The following IL1RAPL2 variants were observed in gnomAD, a reference collection of about 807,000 sequenced individuals.
The protein encoded by IL1RAPL2 is interleukin 1 receptor accessory protein like 2.
IL1RAPL2 carries 3 observed loss-of-function variants against 44.1 expected under a neutral mutation model. The observed-to-expected ratio is 0.07, with a 90% confidence interval of 0.03 to 0.18. IL1RAPL2 has a LOEUF of 0.18. Ranked by LOEUF, IL1RAPL2 falls within the 10% of genes least tolerant of loss-of-function variation. IL1RAPL2 has a pLI of 1.00. For synonymous variants in IL1RAPL2, 181 were observed against 178.8 expected (o/e 1.01, Z -0.10); for missense variants, 391 against 496.4 (o/e 0.79, Z 2.02).
intron 2 of IL1RAPL2, among the ~76,000 whole-genome samples, chrX:105,089,751 C>A (rs1451087534): frequency 2.7e-5 from 3 of 111,713 alleles, no homozygotes; most frequent in African/African-American, 9.8e-5. Context: ...ATTTAATCCT[C>A]ACTTTTACAG....
At chrX:105,460,390 C>T (rs1262934225) in intron 5 of IL1RAPL2, among the ~76,000 whole-genome samples, 2 of 110,438 alleles carry the variant, frequency 1.8e-5, no homozygotes, top group Non-Finnish European at 3.8e-5. Flanking sequence ...CTACATCTCT[C>T]TCTCCTTTAT....
intron 1 of IL1RAPL2, among the ~76,000 whole-genome samples, chrX:104,650,090 C>T (rs16985099): frequency 0.055 from 6,104 of 111,064 alleles, 446 homozygotes; most frequent in African/African-American, 0.19. Context: ...GAATTCATTA[C>T]GTGGCCTTTT....
chrX:105,674,426 A>ATTAT (rs1443617231), intron 6 of IL1RAPL2, among the ~76,000 whole-genome samples: 2 of 112,167 alleles, frequency 1.8e-5, no homozygotes, highest in East Asian at 5.6e-4. Flanking sequence ...TAAATGAGGG[A>ATTAT]TTATTTCCCC....
At chrX:105,307,748 T>C (rs111536245) in intron 5 of IL1RAPL2, among the ~76,000 whole-genome samples, 7,908 of 92,965 alleles carry the variant, frequency 0.085, 1,105 homozygotes, top group African/African-American at 0.32. Context: ...ACTGTAACTC[T>C]TTTTTATTCA....
At chrX:105,744,379 T>G (rs1429054743) in intron 8 of IL1RAPL2, among the ~76,000 whole-genome samples, 1 of 111,538 alleles carries the variant, frequency 9.0e-6, no homozygotes, top group Non-Finnish European at 1.9e-5. Context: ...TATGGAACTG[T>G]CATAATTTTT....
intron 2 of IL1RAPL2, among the ~76,000 whole-genome samples, chrX:104,733,378 G>C (rs1369195439): frequency 9.0e-6 from 1 of 110,524 alleles, no homozygotes; most frequent in Non-Finnish European, 1.9e-5. Flanking sequence ...GATTGCCTGA[G>C]GTTAGGAGTT....
chrX:105,750,441 TTTATTATTATTA>T (rs199583433), intron 9 of IL1RAPL2, among the ~76,000 whole-genome samples: 22 of 91,567 alleles, frequency 2.4e-4, no homozygotes, highest in Middle Eastern at 5.4e-3. Flanking sequence ...GCCTGGCCAA[TTTATTATTATTA>T]TTATTATTAT....
In IL1RAPL2 at chrX:105,029,235, TTTTA is replaced by T. The variant is rs748675865; in HGVS notation, c.83-166228_83-166225del. ...AGGTCTTTTTATTTTATTTTTTATT[TTTTA>T]TTTATTTATTTTTATTTTATTATTA... On this transcript the variant is annotated intron_variant, in intron 2 of 10. Coordinates refer to ENST00000372582, the MANE Select transcript of IL1RAPL2 (RefSeq NM_017416.2). 3.5e-3 allele frequency among the ~76,000 whole-genome samples: 380 copies of T among 107,552 alleles called. 2 individuals carry two copies. Among genetic ancestry groups the T allele is most frequent in the African/African-American group, 0.01 (301 of 30,012 alleles). 93.4% of individuals were successfully genotyped at this position (107,552 alleles called of 115,157 possible).
chrX:105,569,199 TTTAA>T (rs1028270344), intron 6 of IL1RAPL2, among the ~76,000 whole-genome samples: 67 of 111,916 alleles, frequency 6.0e-4, no homozygotes, highest in Admixed American at 5.6e-3. Flanking sequence ...TTACCTTTTA[TTTAA>T]TTAATGATTT....
chrX:104,669,718 C>A (rs908212109), intron 2 of IL1RAPL2, among the ~76,000 whole-genome samples: 4 of 111,763 alleles, frequency 3.6e-5, no homozygotes, highest in Non-Finnish European at 7.5e-5. Flanking sequence ...AACCCCTGAC[C>A]TATTGAGGTT....
intron 7 of IL1RAPL2, among the ~76,000 whole-genome samples, chrX:105,721,792 C>T (rs916127680): frequency 1.8e-5 from 2 of 111,752 alleles, no homozygotes; most frequent in Non-Finnish European, 3.8e-5. Context: ...TCCACCAAAT[C>T]CCCCAGTAAA....
At chrX:104,827,256 C>T (rs1455410372) in intron 2 of IL1RAPL2, among the ~76,000 whole-genome samples, 8 of 110,533 alleles carry the variant, frequency 7.2e-5, no homozygotes, top group Non-Finnish European at 1.5e-4. Flanking sequence ...TTTGCAGTGG[C>T]TGGTAGTGAT....
intron 2 of IL1RAPL2, among the ~76,000 whole-genome samples, chrX:104,789,525 A>G (rs932149246): frequency 6.2e-5 from 7 of 112,001 alleles, no homozygotes; most frequent in African/African-American, 1.3e-4. Flanking sequence ...AGTGGAATAT[A>G]TTTGAAAATG....
intron 6 of IL1RAPL2, among the ~76,000 whole-genome samples, chrX:105,705,431 T>C (rs1341310409): frequency 9.0e-6 from 1 of 110,894 alleles, no homozygotes; most frequent in East Asian, 2.8e-4. Context: ...TTTAATCAGA[T>C]TTTTGACTAC....
At chrX:105,407,219 C>CT (rs762922142) in intron 5 of IL1RAPL2, among the ~76,000 whole-genome samples, 15 of 109,791 alleles carry the variant, frequency 1.4e-4, no homozygotes, top group Non-Finnish European at 2.3e-4. Flanking sequence ...AAAAAACTGA[C>CT]TTTTTTTCCA....
chrX:104,599,874 G>A (rs910246607), intron 1 of IL1RAPL2, among the ~76,000 whole-genome samples: 3 of 111,020 alleles, frequency 2.7e-5, no homozygotes, highest in African/African-American at 9.8e-5. Flanking sequence ...TTTTTTGTGT[G>A]TGTTTTATTT....
At chrX:105,448,196 T>C (rs1380080205) in intron 5 of IL1RAPL2, among the ~76,000 whole-genome samples, 1 of 108,454 alleles carries the variant, frequency 9.2e-6, no homozygotes, top group Non-Finnish European at 1.9e-5. Context: ...GGAGTTTAAT[T>C]ATTAAATTCC....
intron 6 of IL1RAPL2, among the ~76,000 whole-genome samples, chrX:105,680,810 A>C (rs988093555): frequency 8.9e-6 from 1 of 111,954 alleles, no homozygotes; most frequent in Non-Finnish European, 1.9e-5. Flanking sequence ...AACAGCCAAG[A>C]CTCCTATAAC....
chrX:105,600,687 T>A (rs868179598), intron 6 of IL1RAPL2, among the ~76,000 whole-genome samples: 42 of 108,048 alleles, frequency 3.9e-4, no homozygotes, highest in African/African-American at 1.4e-3. Flanking sequence ...AATAGAATAT[T>A]TAATTAATTT....
Sources: gnomAD v4.1 joint callset for allele counts (sites outside exome capture counted in the v4.1 genomes callset) on GRCh38, gnomAD v4.1.1 for gene constraint, MANE v1.5 for transcripts, NCBI Gene and HGNC (gene_info 2026-07-23, HGNC 2026-07-21) for gene names.